The following CHST11 variants were observed in gnomAD, a reference collection of about 807,000 sequenced individuals.
The protein encoded by CHST11 is C4S-1.
CHST11 carries 9 observed loss-of-function variants against 30.4 expected under a neutral mutation model. The observed-to-expected ratio is 0.30, with a 90% confidence interval of 0.18 to 0.52. CHST11 has a LOEUF of 0.52. Among genes scored for constraint, CHST11 ranks in the 20% least tolerant of loss-of-function variants. CHST11 has a pLI of 0.97. For missense variants in CHST11, 348 were observed against 460.6 expected, an observed-to-expected ratio of 0.76 and a Z score of 2.24; for synonymous variants, 152 against 187.8, an observed-to-expected ratio of 0.81 and a Z score of 1.56.
At chr12:104,641,744 T>C (rs1304767356) in intron 2 of CHST11, among the ~76,000 whole-genome samples, 1 of 152,184 alleles carries the variant, frequency 6.6e-6, no homozygotes, top group African/African-American at 2.4e-5. Context: ...CTACCCACCT[T>C]CCTACCAGCA....
intron 1 of CHST11, among the ~76,000 whole-genome samples, chr12:104,559,544 A>G (rs980676295): frequency 2.0e-5 from 3 of 152,174 alleles, no homozygotes; most frequent in Non-Finnish European, 4.4e-5. Context: ...GGAGTTCGAG[A>G]CCAGCCTGAC....
intron 2 of CHST11, among the ~76,000 whole-genome samples, chr12:104,663,644 C>A (rs1263946792): frequency 6.6e-6 from 1 of 152,124 alleles, no homozygotes; most frequent in East Asian, 1.9e-4. Context: ...CTCATACAGA[C>A]CAACCCTAAT....
At chr12:104,664,104 T>G (rs936960118) in intron 2 of CHST11, among the ~76,000 whole-genome samples, 1 of 152,192 alleles carries the variant, frequency 6.6e-6, no homozygotes, top group African/African-American at 2.4e-5. Context: ...CCCTTTACAG[T>G]GGAGGCATCT....
At chr12:104,563,382 A>G (rs550748752) in intron 1 of CHST11, among the ~76,000 whole-genome samples, 13 of 152,300 alleles carry the variant, frequency 8.5e-5, no homozygotes, top group Non-Finnish European at 1.6e-4. Flanking sequence ...CGTGTCCAGC[A>G]TGAGGGAAAC....
Position 104,457,002 on chromosome 12 carries a change from C to G in CHST11, c.-410C>G, listed in dbSNP as rs754192786. On this transcript the variant is annotated 5_prime_UTR_variant, in exon 1 of 3. Transcript: ENST00000303694. ...AGATCGTTGGAGCGCAATGAAGTAG[C>G]CTTTGGAGAGAAGGGAGAGGGCCCG... The G allele has an allele frequency of 6.3e-6, 1 of 158,648 alleles. No individual in the cohort carries two copies. The highest frequency in any genetic ancestry group is 1.8e-4 in the East Asian group (1 of 5,504). The allele number at this position is 158,648 out of a possible 1,614,324, so 9.8% of individuals were successfully genotyped here. A position where few individuals can be genotyped will look rare whatever the true frequency, so the allele number is the denominator to read the frequency against.
intron 1 of CHST11, among the ~76,000 whole-genome samples, chr12:104,540,587 G>A (rs1238235082): frequency 6.6e-6 from 1 of 152,176 alleles, no homozygotes; most frequent in African/African-American, 2.4e-5. Context: ...CCCCTCTCCT[G>A]TACTCCTCCA....
intron 1 of CHST11, among the ~76,000 whole-genome samples, chr12:104,569,276 C>T (rs900072656): frequency 6.6e-5 from 10 of 152,088 alleles, no homozygotes; most frequent in Non-Finnish European, 1.0e-4. Context: ...CTGGAGTTAC[C>T]GTCTTAGTTA....
chr12:104,686,702 C>T (rs2039849576), intron 2 of CHST11, among the ~76,000 whole-genome samples: 1 of 152,196 alleles, frequency 6.6e-6, no homozygotes, highest in South Asian at 2.1e-4. Context: ...GGCTGGAGTG[C>T]AGTGGCGCGA....
intron 2 of CHST11, among the ~76,000 whole-genome samples, chr12:104,691,546 G>T (rs2039896758): frequency 6.7e-6 from 1 of 150,024 alleles, no homozygotes; most frequent in Non-Finnish European, 1.5e-5. Context: ...GGAGTGCAGT[G>T]GTGTGATCTC....
intron 1 of CHST11, among the ~76,000 whole-genome samples, chr12:104,494,516 GA>G (rs1490526703): frequency 6.6e-6 from 1 of 152,206 alleles, no homozygotes; most frequent in Admixed American, 6.5e-5. Flanking sequence ...CATTAAAATA[GA>G]ATCCGTTCTA....
At chr12:104,605,942 A>G (rs2039000425) in intron 2 of CHST11, among the ~76,000 whole-genome samples, 1 of 151,982 alleles carries the variant, frequency 6.6e-6, no homozygotes, top group Non-Finnish European at 1.5e-5. Flanking sequence ...CAACATCATC[A>G]TGTGGTTCAG....
chr12:104,525,473 G>A (rs899453709), intron 1 of CHST11, among the ~76,000 whole-genome samples: 1 of 152,148 alleles, frequency 6.6e-6, no homozygotes, highest in Non-Finnish European at 1.5e-5. Flanking sequence ...TAAGAGCACA[G>A]GATTTAGGTC....
intron 2 of CHST11, among the ~76,000 whole-genome samples, chr12:104,711,400 G>A: frequency 6.6e-6 from 1 of 152,172 alleles, no homozygotes; most frequent in East Asian, 1.9e-4. Context: ...AGCGTCACAT[G>A]GAGATGGTAG....
At chr12:104,492,367 T>G (rs1012959782) in intron 1 of CHST11, among the ~76,000 whole-genome samples, 1 of 152,132 alleles carries the variant, frequency 6.6e-6, no homozygotes, top group African/African-American at 2.4e-5. Context: ...AAGTGTTTTA[T>G]TTATTTTAAA....
chr12:104,539,830 T>C (rs1249670053), intron 1 of CHST11, among the ~76,000 whole-genome samples: 3 of 152,162 alleles, frequency 2.0e-5, no homozygotes, highest in African/African-American at 7.2e-5. Context: ...TAAAATAATG[T>C]AGTAGTATTT....
At chr12:104,713,239 G>A (rs1472742206) in intron 2 of CHST11, among the ~76,000 whole-genome samples, 1 of 152,074 alleles carries the variant, frequency 6.6e-6, no homozygotes, top group Non-Finnish European at 1.5e-5. Flanking sequence ...GAATCCAATA[G>A]GTATTCAAGG....
In CHST11 at chr12:104,515,524, C is replaced by T. The variant is rs558070381; in HGVS notation, c.118+57995C>T. Among the ~76,000 whole-genome samples, 7 of 152,320 alleles carry T rather than the reference C, an allele frequency of 4.6e-5. No homozygotes were observed. In the East Asian group the frequency reaches 1.3e-3, roughly 29 times the overall value. Reference sequence around the variant, plus strand: ...TTGTTTTTTCATTCATTCATTCATTCATTCATTGTTTCACCAAATATTCTT... The same window carrying T: ...TTGTTTTTTCATTCATTCATTCATTTATTCATTGTTTCACCAAATATTCTT... On this transcript the variant is annotated intron_variant, in intron 1 of 2. Transcript: ENST00000303694.
At chr12:104,737,776 G>T (rs1013416085) in intron 2 of CHST11, among the ~76,000 whole-genome samples, 2 of 152,212 alleles carry the variant, frequency 1.3e-5, no homozygotes, top group African/African-American at 4.8e-5. Context: ...CCACCAGGCA[G>T]TTTTGCAGGG....
intron 2 of CHST11, among the ~76,000 whole-genome samples, chr12:104,650,973 A>T (rs2039484570): frequency 6.6e-6 from 1 of 152,218 alleles, no homozygotes; most frequent in Non-Finnish European, 1.5e-5. Context: ...GCAAGTGTTA[A>T]ATGATTTAAT....
Sources: allele counts gnomAD v4.1 joint callset (sites outside exome capture counted in the v4.1 genomes callset), GRCh38; gene constraint gnomAD v4.1.1; transcripts MANE v1.5; gene names NCBI Gene and HGNC (gene_info 2026-07-23, HGNC 2026-07-21).